Variants in APPL2 observed in about 807,000 individuals in gnomAD.
APPL2 encodes adaptor protein, phosphotyrosine interacting with PH domain and leucine zipper 2, also known as DCC-interacting protein 13-beta.
A neutral mutation model predicts 92.7 loss-of-function variants in APPL2; 84 were observed. The observed-to-expected ratio is 0.91, with a 90% CI of 0.76 to 1.09. The LOEUF (loss-of-function observed/expected upper bound fraction) is 1.09, where lower values mean the gene tolerates loss of function less well. Ranked by LOEUF, APPL2 falls within the 50% of genes least tolerant of loss-of-function variation. The pLI, the probability that APPL2 is intolerant of heterozygous loss-of-function variation, is 0.00. For synonymous variants in APPL2, 291 were observed against 291.0 expected (o/e 1.00, Z 0.00); for missense variants, 736 against 824.5 (o/e 0.89, Z 1.31).
chr12:105,234,973 G>A (rs1891143690), intron 1 of APPL2, among the ~76,000 whole-genome samples: 1 of 152,196 alleles, frequency 6.6e-6, no homozygotes. Flanking sequence ...AACTGTCGAT[G>A]TAGGTAAATC....
At chr12:105,194,616 G>C (rs1887481702) in intron 14 of APPL2, among the ~76,000 whole-genome samples, 1 of 152,084 alleles carries the variant, frequency 6.6e-6, no homozygotes, top group Admixed American at 6.6e-5. Context: ...ACTTGAATCT[G>C]GGAAGTGGCG....
At chr12:105,186,622 T>TATGATATAG (rs375988140) in intron 17 of APPL2, among the ~76,000 whole-genome samples, 1 of 125,678 alleles carries the variant, frequency 8.0e-6, no homozygotes, top group African/African-American at 3.3e-5. Flanking sequence ...ATATCATATA[T>TATGATATAG]ATATCATATA....
chr12:105,223,908 T>C (rs571826671), intron 2 of APPL2, among the ~76,000 whole-genome samples: 3 of 152,270 alleles, frequency 2.0e-5, no homozygotes, highest in Non-Finnish European at 4.4e-5. Context: ...TTTGTTTAGC[T>C]GATAAGGAAA....
intron 1 of APPL2, among the ~76,000 whole-genome samples, chr12:105,235,569 A>T (rs1891177833): frequency 6.6e-6 from 1 of 152,172 alleles, no homozygotes; most frequent in South Asian, 2.1e-4. Context: ...TCTCCTAACA[A>T]CCCTATGAAG....
intron 1 of APPL2, among the ~76,000 whole-genome samples, chr12:105,232,925 G>C (rs78061429): frequency 6.6e-6 from 1 of 152,310 alleles, no homozygotes; most frequent in East Asian, 1.9e-4. Flanking sequence ...GCCTGATTTG[G>C]TTGGAGAGGG....
intron 8 of APPL2, among the ~76,000 whole-genome samples, chr12:105,204,666 C>T (rs2135996374): frequency 6.6e-6 from 1 of 152,262 alleles, no homozygotes; most frequent in South Asian, 2.1e-4. Context: ...TTTGTTAAAT[C>T]AGCACTCTGC....
chr12:105,186,664 TC>T (rs1886701768), intron 17 of APPL2, among the ~76,000 whole-genome samples: 8 of 33,268 alleles, frequency 2.4e-4, no homozygotes, highest in South Asian at 4.7e-3. Flanking sequence ...ATCATATATA[TC>T]ATATATATGA....
rs182701152 is a variant in APPL2 at position 105,182,267 on chromosome 12, G to A, written c.1635-5005C>T. 5.2e-3 allele frequency among the ~76,000 whole-genome samples: 799 copies of A among 152,324 alleles called. 4 individuals carry two copies. Among genetic ancestry groups the A allele is most frequent in the African/African-American group, 0.018 (738 of 41,564 alleles). On this transcript the variant is annotated intron_variant, in intron 17 of 20. Transcript: ENST00000258530. ...TGGTCTCAAACTCCTGACCTCAGGT[G>A]ATCCACCTGCCTTGGCCTCCCAAAG...
At chr12:105,232,994 G>T in intron 1 of APPL2, 1 of 726,580 alleles carries the variant, frequency 1.4e-6, no homozygotes, top group Non-Finnish European at 1.7e-6. Flanking sequence ...TTATTTCTTT[G>T]TTCCGTTATG....
At chr12:105,181,770 T>C (rs377454690) in intron 17 of APPL2, among the ~76,000 whole-genome samples, 1 of 152,250 alleles carries the variant, frequency 6.6e-6, no homozygotes, top group African/African-American at 2.4e-5. Context: ...TAGTATTCTC[T>C]GTTGGTAGTT....
chr12:105,203,601 T>G lies in APPL2; in HGVS notation c.704+102A>C, dbSNP rs548731583. On this transcript the variant is annotated intron_variant, in intron 9 of 20. Transcript: ENST00000258530. ...ATTTCTGGGGTGGACAGAGGCTCTG[T>G]GCGACCCTCCACAGTTAGAACCCTC... 457 of 1,053,602 alleles carry G rather than the reference T, an allele frequency of 4.3e-4. 3 individuals are homozygous for G. In the African/African-American group the frequency reaches 5.9e-3, roughly 14 times the overall value. 65.3% of individuals were successfully genotyped at this position (1,053,602 alleles called of 1,614,324 possible). A position where few individuals can be genotyped will look rare whatever the true frequency, so the allele number is the denominator to read the frequency against.
chr12:105,186,622 T>TATATCATATATATGATATAG (rs1555248005), intron 17 of APPL2, among the ~76,000 whole-genome samples: 1 of 125,678 alleles, frequency 8.0e-6, no homozygotes, highest in Non-Finnish European at 1.6e-5. Context: ...ATATCATATA[T>TATATCATATATATGATATAG]ATATCATATA....
chr12:105,210,804 C>CT (rs1555254361), intron 5 of APPL2, among the ~76,000 whole-genome samples: 1 of 151,884 alleles, frequency 6.6e-6, no homozygotes, highest in African/African-American at 2.4e-5. Context: ...CTCCAAACCC[C>CT]GCTTTCCATT....
At chr12:105,230,948 A>G (rs59720624) in intron 1 of APPL2, among the ~76,000 whole-genome samples, 7,134 of 152,320 alleles carry the variant, frequency 0.047, 566 homozygotes, top group African/African-American at 0.16. Flanking sequence ...GTGTTAGAAG[A>G]GCTCTCTGAA....
intron 4 of APPL2, among the ~76,000 whole-genome samples, chr12:105,215,520 G>C (rs1364045580): frequency 6.6e-6 from 1 of 152,168 alleles, no homozygotes; most frequent in African/African-American, 2.4e-5. Flanking sequence ...CTGCTAAATA[G>C]GAGGTCATCA....
chr12:105,228,728 T>C (rs895145924), intron 2 of APPL2, among the ~76,000 whole-genome samples: 6 of 152,148 alleles, frequency 3.9e-5, no homozygotes, highest in Non-Finnish European at 5.9e-5. Context: ...GAGGAAGCAG[T>C]TGAAAAAACA....
rs569615266 is a variant in APPL2, at chr12:105,184,353, A to C, written c.1634+3920T>G. On this transcript the variant is annotated intron_variant, in intron 17 of 20. Transcript: ENST00000258530. The stretch of plus-strand genomic sequence containing the variant: ...GGAGGAGAGGCATTCTGGTTTTTGG[A>C]ATTTTCAGCCTTTCTGTGCTGCTTT... Among the ~76,000 whole-genome samples the C allele has an allele frequency of 1.8e-4, 27 of 152,194 alleles. 1 individual carries two copies. Among genetic ancestry groups the C allele is most frequent in the African/African-American group, 6.3e-4 (26 of 41,514 alleles).
Position 105,174,417 on chromosome 12 carries a change from G to C in APPL2, c.1892C>G (p.Ser631Cys). 6.2e-7 allele frequency: 1 copy of C among 1,613,658 alleles called. No homozygotes were observed. Among genetic ancestry groups the C allele is most frequent in the Non-Finnish European group, 8.5e-7 (1 of 1,179,798 alleles). The change falls in exon 21 of 21, where the codon TCC (serine) becomes TGC (cysteine). Residue 631 changes from serine to cysteine, a missense_variant. Transcript: ENST00000258530. ...TTTTCCGTCATTGGTTAGTGGTATG[G>C]ACAGCATTAATTGAGCCAGTGCTTC... The part of the protein sequence containing the change: ...DPEALAQLML[S>C]IPLTNDGKYV...
At position 105,197,751 on chromosome 12, in the gene APPL2, C is replaced by T. The variant is rs186820951; in HGVS notation, c.1052+14G>A. 1.0e-4 allele frequency: 169 copies of T among 1,614,062 alleles called. 1 individual carries two copies. The East Asian group carries it at 2.7e-3, about 26-fold the overall frequency. On this transcript the variant is annotated intron_variant, in intron 11 of 20. Transcript: ENST00000258530. ...ATACTCATTCTCCTCCCAAATAAAA[C>T]GCGTGAAACATACGATTTTCCATTG...
Sources: allele counts gnomAD v4.1 joint callset (sites outside exome capture counted in the v4.1 genomes callset), GRCh38; gene constraint gnomAD v4.1.1; transcripts MANE v1.5; gene names NCBI Gene and HGNC (gene_info 2026-07-23, HGNC 2026-07-21).